MGME1: variants seen among roughly 807,000 people sequenced by gnomAD.
MGME1 encodes chromosome 20 open reading frame 72.
Under a neutral mutation model 33.0 loss-of-function variants are expected in MGME1, and 22 were observed. The ratio of observed to expected loss-of-function variants is 0.67; its 90% CI spans 0.48 to 0.95. MGME1 has a LOEUF of 0.95. Ranked by LOEUF, MGME1 falls within the 40% of genes least tolerant of loss-of-function variation. MGME1 has a pLI of 0.00. For synonymous variants in MGME1, 133 were observed against 144.0 expected (o/e 0.92, Z 0.55); for missense variants, 383 against 397.8 (o/e 0.96, Z 0.32).
chr20:17,982,957 T>C (rs994883591), intron 3 of MGME1, among the ~76,000 whole-genome samples: 1 of 152,160 alleles, frequency 6.6e-6, no homozygotes, highest in Non-Finnish European at 1.5e-5. Context: ...ATACAATGCA[T>C]TATTAAATAT....
At position 17,990,278 on chromosome 20, in the gene MGME1, C is replaced by T. The variant is rs1427923330; in HGVS notation, c.*169C>T. 1 of 674,552 alleles carries T rather than the reference C, an allele frequency of 1.5e-6. No homozygotes were observed. Among genetic ancestry groups the T allele is most frequent in the Non-Finnish European group, 2.6e-6 (1 of 387,892 alleles). 41.8% of individuals were successfully genotyped at this position (674,552 alleles called of 1,614,324 possible). On this transcript the variant is annotated 3_prime_UTR_variant, in exon 5 of 5. Transcript: ENST00000377710. The stretch of plus-strand genomic sequence containing the variant: ...GTTGTTACCAAAAAGACTGAAAAGC[C>T]CCAAAGTCTAGATATAAAGACCTAG...
At chr20:17,987,826 T>G (rs117890659) in intron 3 of MGME1, among the ~76,000 whole-genome samples, 4 of 152,106 alleles carry the variant, frequency 2.6e-5, no homozygotes, top group Non-Finnish European at 2.9e-5. Flanking sequence ...CTTTTGATAT[T>G]TGCATTTGGC....
At chr20:17,980,420 G>A (rs919068720) in intron 3 of MGME1, among the ~76,000 whole-genome samples, 3 of 151,942 alleles carry the variant, frequency 2.0e-5, no homozygotes, top group African/African-American at 7.3e-5. Context: ...GTGTTCCTGA[G>A]ATATTGTATG....
intron 3 of MGME1, 122 bp from the exon 4 acceptor site, chr20:17,988,044 G>A (rs2036197103): frequency 4.3e-6 from 4 of 939,182 alleles, no homozygotes; most frequent in Non-Finnish European, 6.1e-6. Flanking sequence ...GAAAAAAATG[G>A]TGAATAAGAG....
intron 3 of MGME1, among the ~76,000 whole-genome samples, chr20:17,987,072 CAG>C (rs565878482): frequency 1.1e-4 from 17 of 151,372 alleles, no homozygotes; most frequent in East Asian, 5.8e-4. Flanking sequence ...GCCAGCTACT[CAG>C]GGGGCTGAGG....
chr20:17,987,448 TA>T (rs899050922), intron 3 of MGME1, among the ~76,000 whole-genome samples: 11 of 151,904 alleles, frequency 7.2e-5, no homozygotes, highest in African/African-American at 1.7e-4. Flanking sequence ...ATCCCTATAA[TA>T]AAAAAAAGAC....
rs1471980789 is a variant in MGME1, at chr20:17,991,094, GAA to G, written c.*987_*988del. 6.6e-6 allele frequency: 1 copy of G among 152,168 alleles called. No homozygotes were observed. Among genetic ancestry groups the G allele is most frequent in the Non-Finnish European group, 1.5e-5 (1 of 68,014 alleles). The allele number at this position is 152,168 out of a possible 1,614,324, so 9.4% of individuals were successfully genotyped here. A position where few individuals can be genotyped will look rare whatever the true frequency, so the allele number is the denominator to read the frequency against. On this transcript the variant is annotated 3_prime_UTR_variant, in exon 5 of 5. Coordinates refer to ENST00000377710, the MANE Select transcript of MGME1 (RefSeq NM_052865.4). Reference sequence around the variant, plus strand: ...CTTCTTTGGGTAGCCATTTTCATAAGAAATAAAATACAAGATATGAGTAATGA... The same window carrying G: ...CTTCTTTGGGTAGCCATTTTCATAAGATAAAATACAAGATATGAGTAATGA...
At chr20:17,972,219 A>G (rs2035748705) in intron 2 of MGME1, among the ~76,000 whole-genome samples, 1 of 152,214 alleles carries the variant, frequency 6.6e-6, no homozygotes, top group African/African-American at 2.4e-5. Context: ...TTAAAAATTA[A>G]GAAGATTTTT....
At chr20:17,972,883 C>G (rs2035765590) in intron 2 of MGME1, 1 of 616,724 alleles carries the variant, frequency 1.6e-6, no homozygotes, top group Non-Finnish European at 2.0e-6. Flanking sequence ...CTTCTTTTTC[C>G]TAGGCTTTAA....
Position 17,989,927 on chromosome 20 carries a change from G to C in MGME1, c.865-12G>C. 1 of 1,611,470 alleles carries C rather than the reference G, an allele frequency of 6.2e-7. No homozygotes were observed. The highest frequency in any genetic ancestry group is 8.5e-7 in the Non-Finnish European group (1 of 1,178,862). On this transcript the variant is annotated splice_polypyrimidine_tract_variant and intron_variant, in intron 4 of 4. Coordinates refer to ENST00000377710, the MANE Select transcript of MGME1 (RefSeq NM_052865.4). The stretch of plus-strand genomic sequence containing the variant: ...TGTAGTGAAACGAGAATTGCCCTGT[G>C]TTTCTTCCTAGGTTCAATGTGGCTT...
At chr20:17,981,648 C>CGTGTGTGTGTGTGTGTGTGT (rs10677204) in intron 3 of MGME1, among the ~76,000 whole-genome samples, 1 of 139,696 alleles carries the variant, frequency 7.2e-6, no homozygotes, top group African/African-American at 2.7e-5. Context: ...ATCTACTACT[C>CGTGTGTGTGTGTGTGTGTGT]GTGTGTGTGT....
intron 2 of MGME1, among the ~76,000 whole-genome samples, chr20:17,975,221 A>G (rs2122521937): frequency 6.6e-6 from 1 of 152,270 alleles, no homozygotes; most frequent in East Asian, 1.9e-4. Context: ...AGGTTTCACA[A>G]GAGGCTGAAA....
chr20:17,981,681 G>GTA (rs1175608703), intron 3 of MGME1, among the ~76,000 whole-genome samples: 2 of 150,606 alleles, frequency 1.3e-5, no homozygotes. Flanking sequence ...GTGTGTGTGT[G>GTA]TGTGTCAGAG....
At chr20:17,981,256 A>G (rs1353011569) in intron 3 of MGME1, among the ~76,000 whole-genome samples, 2 of 152,186 alleles carry the variant, frequency 1.3e-5, no homozygotes, top group Non-Finnish European at 2.9e-5. Flanking sequence ...ATATACAGAC[A>G]TCTCTAGATA....
At position 17,974,427 on chromosome 20, in the gene MGME1, C is replaced by G. The variant is rs1490724411; in HGVS notation, c.512-1257C>G. On this transcript the variant is annotated intron_variant, in intron 2 of 4. Coordinates refer to ENST00000377710, the MANE Select transcript of MGME1 (RefSeq NM_052865.4). ...TACTATGCAAGCGCTTGGAGGCCAA[C>G]GAGCACTGAAAATGAGGAGAGAGTT... Among the ~76,000 whole-genome samples, 4 of 152,062 alleles carry G rather than the reference C, an allele frequency of 2.6e-5. 1 individual carries two copies. Among genetic ancestry groups the G allele is most frequent in the Admixed American group, 2.6e-4 (4 of 15,262 alleles).
At position 17,990,406 on chromosome 20, in the gene MGME1, A is replaced by G. The variant is rs2036267383; in HGVS notation, c.*297A>G. On this transcript the variant is annotated 3_prime_UTR_variant, in exon 5 of 5. Transcript: ENST00000377710. ...GGTGACTCTTGTACTCCCTTGAGGG[A>G]CATTGGGGGGGGGGGGGCGTGGTCC... 1.6e-5 allele frequency: 1 copy of G among 62,694 alleles called. No individual in the cohort carries two copies. The allele number at this position is 62,694 out of a possible 1,614,324, so 3.9% of individuals were successfully genotyped here. A position where few individuals can be genotyped will look rare whatever the true frequency, so the allele number is the denominator to read the frequency against.
intron 1 of MGME1, 42 bp from the exon 2 acceptor site, chr20:17,969,759 C>A: frequency 1.6e-6 from 2 of 1,221,228 alleles, no homozygotes; most frequent in Non-Finnish European, 2.3e-6. Context: ...CAATATCATT[C>A]TGATGCAGCT....
At chr20:17,984,825 C>T (rs988225278) in intron 3 of MGME1, among the ~76,000 whole-genome samples, 3 of 151,726 alleles carry the variant, frequency 2.0e-5, no homozygotes, top group Non-Finnish European at 4.4e-5. Context: ...CACTTGAGGT[C>T]AGGAGTTCGA....
intron 3 of MGME1, among the ~76,000 whole-genome samples, chr20:17,976,330 G>T (rs929324749): frequency 6.6e-6 from 1 of 152,056 alleles, no homozygotes; most frequent in African/African-American, 2.4e-5. Context: ...CACCATGTTG[G>T]CCAGGCTGGT....
Sources: gnomAD v4.1 joint callset for allele counts (sites outside exome capture counted in the v4.1 genomes callset) on GRCh38, gnomAD v4.1.1 for gene constraint, MANE v1.5 for transcripts, NCBI Gene and HGNC (gene_info 2026-07-23, HGNC 2026-07-21) for gene names.